Variants in TBC1D32 observed in about 807,000 individuals in gnomAD.
TBC1D32 encodes protein broad-minded.
TBC1D32 carries 151 observed loss-of-function variants against 170.3 expected under a neutral mutation model. The ratio of observed to expected loss-of-function variants is 0.89; its 90% CI spans 0.78 to 1.01. The LOEUF (loss-of-function observed/expected upper bound fraction) is 1.01. Among genes scored for constraint, TBC1D32 ranks in the 50% least tolerant of loss-of-function variants. The probability of loss-of-function intolerance (pLI) is 0.00; values close to 1 mark genes in which losing one functional copy is unlikely to be tolerated. For missense variants in TBC1D32, 1,464 were observed against 1,457.1 expected, an observed-to-expected ratio of 1.00 and a Z score of -0.08; for synonymous variants, 498 against 488.0, an observed-to-expected ratio of 1.02 and a Z score of -0.27.
intron 12 of TBC1D32, among the ~76,000 whole-genome samples, chr6:121,286,992 C>A (rs571223100): frequency 2.0e-5 from 3 of 152,188 alleles, no homozygotes; most frequent in African/African-American, 7.2e-5. Context: ...TAAAAGAGCT[C>A]CTGAAGGAAG....
chr6:121,308,026 G>C lies in TBC1D32; in HGVS notation c.640C>G (p.Leu214Val). Residue 214 changes from leucine (L) to valine (V), a missense_variant, in exon 5 of 32, where the codon CTC becomes GTC. By Grantham distance (32) the Leu-to-Val change is conservative. Around this residue, in one of 3 missense-constraint regions of TBC1D32, gnomAD observed 1,363 missense variants for 1,338.1 expected, o/e 1.02. Transcript: ENST00000398212. ...AGAGACACGGTCAGTTTTTCGCAGAGAGTAGTCCAATTTTCACAGTTGAGG... is the reference window on the plus strand; with the variant it reads ...AGAGACACGGTCAGTTTTTCGCAGACAGTAGTCCAATTTTCACAGTTGAGG... ...DVLNCENWTT[L>V]CEKLTVSLSD... 2 of 1,613,812 alleles carry C rather than the reference G, an allele frequency of 1.2e-6. No homozygotes were observed. The highest frequency in any genetic ancestry group is 2.7e-5 in the African/African-American group (2 of 75,020).
At chr6:121,119,569 G>A (rs1270157428) in intron 26 of TBC1D32, among the ~76,000 whole-genome samples, 3 of 151,922 alleles carry the variant, frequency 2.0e-5, no homozygotes, top group Non-Finnish European at 4.4e-5. Context: ...CCCTGAAAGG[G>A]CCATTTAATT....
At position 121,239,126 on chromosome 6, in the gene TBC1D32, T is replaced by C. The variant is rs200973240; in HGVS notation, c.2308A>G (p.Arg770Gly). 3.2e-4 allele frequency: 513 copies of C among 1,606,340 alleles called. No homozygotes were observed. Among genetic ancestry groups the C allele is most frequent in the Non-Finnish European group, 4.2e-4 (492 of 1,174,684 alleles). The change falls in exon 20 of 32, where the codon AGG becomes GGG. Residue 770 changes from arginine to glycine, a missense_variant. This residue lies in a region of TBC1D32 where 1,363 missense variants were observed against 1,338.1 expected (regional missense o/e 1.02). Coordinates refer to ENST00000398212, the MANE Select transcript of TBC1D32 (RefSeq NM_152730.6). ...GGAGTAGTTCTGGGATGGGTTACCC[T>C]AACATCATCTCTTCCATATTCCAGA... ...SNLEYGRDDV[R>G]VTHPRTTPVD... is the part of the protein sequence containing the mutation.
intron 15 of TBC1D32, 103 bp from the exon 16 acceptor site, chr6:121,256,388 T>C: frequency 1.1e-6 from 1 of 930,512 alleles, no homozygotes; most frequent in Non-Finnish European, 1.6e-6. Context: ...AGTCCTCCTC[T>C]AACTTTTCTC....
At chr6:121,319,373 C>G (rs1027088132) in intron 2 of TBC1D32, among the ~76,000 whole-genome samples, 108 of 152,218 alleles carry the variant, frequency 7.1e-4, no homozygotes, top group African/African-American at 2.6e-3. Flanking sequence ...GCTTCTGCCT[C>G]TATAGATTCT....
chr6:121,242,687 A>T (rs1379199691), intron 17 of TBC1D32, among the ~76,000 whole-genome samples: 12 of 151,692 alleles, frequency 7.9e-5, no homozygotes, highest in Non-Finnish European at 1.5e-4. Context: ...AAACCTCAAC[A>T]CCCCATTATT....
chr6:121,306,077 T>C (rs966039105), intron 5 of TBC1D32, among the ~76,000 whole-genome samples: 1 of 152,178 alleles, frequency 6.6e-6, no homozygotes, highest in African/African-American at 2.4e-5. Flanking sequence ...TACAATTGCA[T>C]CCGTCGTTAG....
chr6:121,122,133 T>C (rs1286706025), intron 26 of TBC1D32, among the ~76,000 whole-genome samples: 2 of 151,986 alleles, frequency 1.3e-5, no homozygotes, highest in African/African-American at 4.8e-5. Flanking sequence ...CTTCTTTCTT[T>C]CTCTCATACC....
intron 22 of TBC1D32, among the ~76,000 whole-genome samples, chr6:121,182,988 A>G (rs1788729563): frequency 6.6e-6 from 1 of 151,974 alleles, no homozygotes; most frequent in Non-Finnish European, 1.5e-5. Context: ...AAAGATATCA[A>G]CAGTATATTA....
chr6:121,099,190 G>A (rs911085970), intron 30 of TBC1D32, among the ~76,000 whole-genome samples: 38 of 151,980 alleles, frequency 2.5e-4, no homozygotes, highest in Non-Finnish European at 3.2e-4. Context: ...AATCAAAGAT[G>A]TGCAGGATAG....
chr6:121,228,357 GAGTC>G (rs1352414958), intron 20 of TBC1D32, among the ~76,000 whole-genome samples: 1 of 151,980 alleles, frequency 6.6e-6, no homozygotes, highest in Non-Finnish European at 1.5e-5. Context: ...GTAGAAACTT[GAGTC>G]AGTAATTTTA....
At chr6:121,308,226 G>T in intron 4 of TBC1D32, 125 bp from the exon 5 acceptor site, 3 of 932,470 alleles carry the variant, frequency 3.2e-6, no homozygotes, top group Non-Finnish European at 4.8e-6. Context: ...TGATTTATCA[G>T]ATGCCTTTAT....
intron 24 of TBC1D32, among the ~76,000 whole-genome samples, chr6:121,135,343 G>C (rs1195435432): frequency 6.6e-6 from 1 of 152,094 alleles, no homozygotes; most frequent in Non-Finnish European, 1.5e-5. Flanking sequence ...ATTAAAAAAA[G>C]TTTTCCTTCT....
chr6:121,208,296 A>G (rs769293848), intron 21 of TBC1D32, among the ~76,000 whole-genome samples: 1 of 152,150 alleles, frequency 6.6e-6, no homozygotes, highest in African/African-American at 2.4e-5. Flanking sequence ...ATTAACTCAC[A>G]GTTCAACATG....
chr6:121,323,260 A>G (rs186714062), intron 1 of TBC1D32, among the ~76,000 whole-genome samples: 2 of 152,236 alleles, frequency 1.3e-5, no homozygotes, highest in East Asian at 3.9e-4. Context: ...AAGCCATATC[A>G]CTTCAGAGAT....
At chr6:121,252,298 C>G (rs1422865679) in intron 17 of TBC1D32, among the ~76,000 whole-genome samples, 2 of 152,154 alleles carry the variant, frequency 1.3e-5, no homozygotes, top group East Asian at 3.8e-4. Context: ...GCATTGTTCA[C>G]AATAACTAAG....
chr6:121,254,105 G>T (rs1031983099), intron 17 of TBC1D32, among the ~76,000 whole-genome samples: 1 of 152,098 alleles, frequency 6.6e-6, no homozygotes, highest in African/African-American at 2.4e-5. Context: ...GATGGAGCTG[G>T]AGGCCGATTT....
Position 121,137,630 on chromosome 6 carries a change from C to T in TBC1D32, c.2774-5878G>A, listed in dbSNP as rs188266199. Among the ~76,000 whole-genome samples the T allele has an allele frequency of 8.6e-3, 1,311 of 151,794 alleles. 20 individuals are homozygous for T. Among genetic ancestry groups the T allele is most frequent in the African/African-American group, 0.03 (1,227 of 41,474 alleles). On this transcript the variant is annotated intron_variant, in intron 24 of 31. Coordinates refer to ENST00000398212, the MANE Select transcript of TBC1D32 (RefSeq NM_152730.6). ...CTCTAAAATTCTTTGTTATGGTAAG[C>T]ATTATAATCTTTTTATATTTGGGGA...
At chr6:121,222,516 A>T (rs1430176083) in intron 21 of TBC1D32, among the ~76,000 whole-genome samples, 1 of 152,208 alleles carries the variant, frequency 6.6e-6, no homozygotes, top group African/African-American at 2.4e-5. Context: ...CAAAATTTTT[A>T]AAAATCCAAG....
Sources: gnomAD v4.1 joint callset for allele counts (sites outside exome capture counted in the v4.1 genomes callset) on GRCh38, gnomAD v4.1.1 for gene constraint, gnomAD v4.1.1 regional missense constraint, MANE v1.5 for transcripts, NCBI Gene and HGNC (gene_info 2026-07-23, HGNC 2026-07-21) for gene names.